The following EHMT1 variants were observed in gnomAD, a reference collection of about 807,000 sequenced individuals.
The protein encoded by EHMT1 is euchromatic histone lysine methyltransferase 1, also known as histone-lysine N-methyltransferase EHMT1.
A neutral mutation model predicts 147.2 loss-of-function variants in EHMT1; 15 were observed. The ratio of observed to expected loss-of-function variants is 0.10; its 90% CI spans 0.07 to 0.16. EHMT1 has a LOEUF of 0.16. EHMT1 is among the 10% of genes least tolerant of loss of function. The pLI is 1.00. For synonymous variants in EHMT1, 795 were observed against 709.6 expected, an observed-to-expected ratio of 1.12 and a Z score of -1.91; for missense variants, 1,587 against 1,772.4, an observed-to-expected ratio of 0.90 and a Z score of 1.88.
intron 1 of EHMT1, among the ~76,000 whole-genome samples, chr9:137,641,741 CGGGT>C (rs1844502439): frequency 6.6e-6 from 1 of 152,086 alleles, no homozygotes; most frequent in South Asian, 2.1e-4. Flanking sequence ...GGGGCAGAGA[CGGGT>C]GTTTGGGGGT....
At chr9:137,825,665 G>T (rs12344858) in intron 25 of EHMT1, among the ~76,000 whole-genome samples, 22,557 of 152,024 alleles carry the variant, frequency 0.15, 5,462 homozygotes, top group African/African-American at 0.51. Context: ...TTGCTTGATG[G>T]ATAGAAATAG....
chr9:137,672,397 G>C (rs1327885118), intron 1 of EHMT1, among the ~76,000 whole-genome samples: 2 of 152,186 alleles, frequency 1.3e-5, no homozygotes, highest in Non-Finnish European at 2.9e-5. Flanking sequence ...TTTTGACATA[G>C]TAACACTAAC....
chr9:137,745,338 T>G (rs1008252522), intron 6 of EHMT1: 3 of 385,898 alleles, frequency 7.8e-6, no homozygotes, highest in African/African-American at 6.2e-5. Context: ...TTAGGGCAAA[T>G]TTTTGAATGT....
intron 1 of EHMT1, among the ~76,000 whole-genome samples, chr9:137,669,230 C>T (rs1242406985): frequency 6.6e-6 from 1 of 152,046 alleles, no homozygotes; most frequent in Non-Finnish European, 1.5e-5. Context: ...CGTCTTCCCT[C>T]TCGCACCCTG....
chr9:137,647,032 C>T (rs932549230), intron 1 of EHMT1, among the ~76,000 whole-genome samples: 4 of 152,114 alleles, frequency 2.6e-5, no homozygotes, highest in South Asian at 2.1e-4. Context: ...CATTTGTTAT[C>T]ATAATTCAAG....
At chr9:137,635,043 T>G (rs2501567) in intron 1 of EHMT1, among the ~76,000 whole-genome samples, 31,216 of 151,176 alleles carry the variant, frequency 0.21, 3,509 homozygotes, top group Admixed American at 0.34. Flanking sequence ...TCGTATGAGT[T>G]TTAGGATCTT....
chr9:137,709,149 C>G (rs528573302), intron 1 of EHMT1, among the ~76,000 whole-genome samples: 1 of 152,352 alleles, frequency 6.6e-6, no homozygotes, highest in Non-Finnish European at 1.5e-5. Context: ...GTGAAAAAGG[C>G]AATTGAGGTC....
intron 25 of EHMT1, among the ~76,000 whole-genome samples, chr9:137,824,891 G>A (rs1229876694): frequency 6.6e-6 from 1 of 152,136 alleles, no homozygotes; most frequent in African/African-American, 2.4e-5. Flanking sequence ...CTGCACATGT[G>A]GTCACGTCAT....
At chr9:137,779,281 C>T (rs1951192657) in intron 13 of EHMT1, among the ~76,000 whole-genome samples, 1 of 152,262 alleles carries the variant, frequency 6.6e-6, no homozygotes, top group Non-Finnish European at 1.5e-5. Flanking sequence ...CTGGCTGGGG[C>T]TGGTCCCGGC....
chr9:137,653,471 A>G (rs1353725259), intron 1 of EHMT1, among the ~76,000 whole-genome samples: 1 of 152,212 alleles, frequency 6.6e-6, no homozygotes, highest in African/African-American at 2.4e-5. Flanking sequence ...GCATGGTTGC[A>G]TAAAGCACCT....
chr9:137,717,556 G>A (rs374937923), intron 3 of EHMT1, among the ~76,000 whole-genome samples: 10 of 147,610 alleles, frequency 6.8e-5, no homozygotes, highest in African/African-American at 2.0e-4. Context: ...CAGTGAGCCC[G>A]GATCACCTCA....
rs374359709 is a variant in EHMT1, at chr9:137,722,891, C to T, written c.643-5458C>T. Among the ~76,000 whole-genome samples, 999 of 144,818 alleles carry T rather than the reference C, an allele frequency of 6.9e-3. 10 individuals carry two copies. The highest frequency in any genetic ancestry group is 0.013 in the African/African-American group (514 of 38,736). On this transcript the variant is annotated intron_variant, in intron 3 of 26. Coordinates refer to ENST00000460843, the MANE Select transcript of EHMT1 (RefSeq NM_024757.5). ...TTCTGGGCCTGAGCCCGGGGTGTGT[C>T]TGTGTCTGTGGTTCTGGGCCTGAGC...
chr9:137,812,816 G>C (rs1000600178), intron 19 of EHMT1, among the ~76,000 whole-genome samples, 190 bp from the exon 20 acceptor site: 1 of 152,278 alleles, frequency 6.6e-6, no homozygotes, highest in Non-Finnish European at 1.5e-5. Flanking sequence ...AGAGGAGGAA[G>C]GGAATCATGT....
rs559760622 is a variant in EHMT1, at chr9:137,677,426, G to A, written c.22-33541G>A. On this transcript the variant is annotated intron_variant, in intron 1 of 26. Coordinates refer to ENST00000460843, the MANE Select transcript of EHMT1 (RefSeq NM_024757.5). The stretch of plus-strand genomic sequence containing the variant: ...CTGGGATTACAGGCGTGAGCCACCA[G>A]GACTTGCCTGACTGGACATTTTTAA... 3.9e-5 allele frequency among the ~76,000 whole-genome samples: 6 copies of A among 152,130 alleles called. No individual in the cohort carries two copies. In the South Asian group the frequency reaches 1.3e-3, roughly 32 times the overall value.
intron 25 of EHMT1, among the ~76,000 whole-genome samples, chr9:137,822,895 GAAA>G (rs112878891): frequency 5.5e-5 from 7 of 128,098 alleles, no homozygotes; most frequent in East Asian, 2.4e-4. Context: ...ACTTCATCTC[GAAA>G]AAAAAAAAAA....
At chr9:137,749,850 A>G (rs949917786) in intron 6 of EHMT1, among the ~76,000 whole-genome samples, 1 of 152,216 alleles carries the variant, frequency 6.6e-6, no homozygotes, top group Non-Finnish European at 1.5e-5. Flanking sequence ...AAACCTGTCC[A>G]GTGACATGAA....
intron 3 of EHMT1, among the ~76,000 whole-genome samples, chr9:137,727,561 CT>C (rs1306187864): frequency 4.6e-5 from 7 of 152,188 alleles, no homozygotes; most frequent in African/African-American, 1.7e-4. Context: ...TCGTTTAACA[CT>C]TTTTACTGTG....
At chr9:137,724,271 G>A (rs952129687) in intron 3 of EHMT1, among the ~76,000 whole-genome samples, 1 of 148,404 alleles carries the variant, frequency 6.7e-6, no homozygotes, top group Non-Finnish European at 1.5e-5. Flanking sequence ...ACAGCCCACC[G>A]CCCCACCCCC....
At chr9:137,724,605 T>C (rs1195493402) in intron 3 of EHMT1, among the ~76,000 whole-genome samples, 2 of 152,236 alleles carry the variant, frequency 1.3e-5, no homozygotes, top group Non-Finnish European at 2.9e-5. Context: ...TCAGGTTTTG[T>C]TTTTGTACCT....
Sources: allele counts gnomAD v4.1 joint callset (sites outside exome capture counted in the v4.1 genomes callset), GRCh38; gene constraint gnomAD v4.1.1; transcripts MANE v1.5; gene names NCBI Gene and HGNC (gene_info 2026-07-23, HGNC 2026-07-21).